The following NXN variants were observed in gnomAD, a reference collection of about 807,000 sequenced individuals.
NXN encodes nucleoredoxin, also known as nucleoredoxin 1.
Under a neutral mutation model 48.6 loss-of-function variants are expected in NXN, and 16 were observed. That is an observed-to-expected ratio of 0.33 (90% confidence interval 0.22 to 0.50). The LOEUF (loss-of-function observed/expected upper bound fraction) is 0.50. Among genes scored for constraint, NXN ranks in the 20% least tolerant of loss-of-function variants. The pLI, the probability that NXN is intolerant of heterozygous loss-of-function variation, is 0.98. For missense variants in NXN, 492 were observed against 605.5 expected, an observed-to-expected ratio of 0.81 and a Z score of 1.97; for synonymous variants, 281 against 269.6, an observed-to-expected ratio of 1.04 and a Z score of -0.41.
chr17:906,784 G>C (rs993839026), intron 1 of NXN, among the ~76,000 whole-genome samples: 2 of 151,568 alleles, frequency 1.3e-5, no homozygotes, highest in African/African-American at 4.9e-5. Flanking sequence ...GGCCAGTCTG[G>C]TCTCGAACTC....
At chr17:959,667 G>A (rs185553280) in intron 1 of NXN, among the ~76,000 whole-genome samples, 9 of 151,856 alleles carry the variant, frequency 5.9e-5, no homozygotes, top group African/African-American at 1.7e-4. Flanking sequence ...GGTGGCAGGC[G>A]CCTGTGATCC....
At chr17:892,593 C>T (rs571279082) in intron 1 of NXN, among the ~76,000 whole-genome samples, 86 of 146,914 alleles carry the variant, frequency 5.9e-4, no homozygotes, top group Middle Eastern at 3.4e-3. Context: ...TAGCAGGTCT[C>T]GCAGTCTCAG....
intron 1 of NXN, among the ~76,000 whole-genome samples, chr17:875,084 C>T (rs1336101843): frequency 5.3e-5 from 8 of 151,168 alleles, no homozygotes; most frequent in East Asian, 3.9e-4. Context: ...CAGGCTGGAG[C>T]GCAGTGGCAC....
chr17:840,183 T>G (rs542079199), intron 1 of NXN, among the ~76,000 whole-genome samples: 1 of 152,240 alleles, frequency 6.6e-6, no homozygotes, highest in Admixed American at 6.5e-5. Context: ...AACCCCCATT[T>G]AGCACCCATG....
intron 5 of NXN, among the ~76,000 whole-genome samples, chr17:816,132 C>A (rs979526159): frequency 6.6e-6 from 1 of 152,166 alleles, no homozygotes; most frequent in Non-Finnish European, 1.5e-5. Context: ...TCACCTGTAG[C>A]CCCTCCAAGG....
At chr17:818,088 A>G (rs1912584458) in intron 5 of NXN, among the ~76,000 whole-genome samples, 2 of 151,762 alleles carry the variant, frequency 1.3e-5, no homozygotes, top group South Asian at 4.2e-4. Flanking sequence ...GCAAAACTTC[A>G]TCTCTACTAA....
At chr17:946,476 C>G (rs1377590853) in intron 1 of NXN, among the ~76,000 whole-genome samples, 2 of 152,206 alleles carry the variant, frequency 1.3e-5, no homozygotes, top group Non-Finnish European at 2.9e-5. Flanking sequence ...CAAAGGCTGT[C>G]TCTTCTAATT....
chr17:890,828 G>T (rs2144866149), intron 1 of NXN, among the ~76,000 whole-genome samples: 1 of 152,178 alleles, frequency 6.6e-6, no homozygotes, highest in Non-Finnish European at 1.5e-5. Flanking sequence ...GAGTGAGTTT[G>T]GCTTTTGGAT....
intron 1 of NXN, among the ~76,000 whole-genome samples, chr17:887,111 C>T (rs1388883475): frequency 6.6e-6 from 1 of 151,538 alleles, no homozygotes; most frequent in Admixed American, 6.6e-5. Context: ...AGATGGGGGT[C>T]TCACCATGTT....
rs760361674 is a variant in NXN, at chr17:849,703, C to T, written c.361-23625G>A. On this transcript the variant is annotated intron_variant, in intron 1 of 7. Coordinates refer to ENST00000336868, the MANE Select transcript of NXN (RefSeq NM_022463.5). This position sits in a 1 kb window ranked among gnomAD's most constrained non-coding sequence, Gnocchi z 4.2. ...AGACAAGCAATCATCATTTCCTAAA[C>T]GTGGCAGGATGCAGAGCAGGTAGAG... Among the ~76,000 whole-genome samples the T allele has an allele frequency of 6.6e-6, 1 of 152,158 alleles. No homozygotes were observed. The highest frequency in any genetic ancestry group is 1.5e-5 in the Non-Finnish European group (1 of 68,036).
In NXN at chr17:974,380, T is replaced by C. The variant is rs142255827; in HGVS notation, c.360+4939A>G. Among the ~76,000 whole-genome samples the C allele has an allele frequency of 3.9e-5, 6 of 151,902 alleles. 1 individual carries two copies. Among genetic ancestry groups the C allele is most frequent in the African/African-American group, 1.5e-4 (6 of 41,320 alleles). On this transcript the variant is annotated intron_variant, in intron 1 of 7. Transcript: ENST00000336868. ...AAGTATATAGATATATATATATAGATATATGGATATACCTCATAACCGTTT... is the reference window on the plus strand; with the variant it reads ...AAGTATATAGATATATATATATAGACATATGGATATACCTCATAACCGTTT...
At position 978,868 on chromosome 17, in the gene NXN, AT is replaced by A. The variant is rs2069495116; in HGVS notation, c.360+450del. Among the ~76,000 whole-genome samples the A allele has an allele frequency of 6.6e-6, 1 of 150,748 alleles. No homozygotes were observed. The highest frequency in any genetic ancestry group is 6.6e-5 in the Admixed American group (1 of 15,208). On this transcript the variant is annotated intron_variant, in intron 1 of 7. Coordinates refer to ENST00000336868, the MANE Select transcript of NXN (RefSeq NM_022463.5). This position sits in a 1 kb window ranked among gnomAD's most constrained non-coding sequence, Gnocchi z 4.1. ...CTCCCCTCCCCTCCCCACTGTGGGA[AT>A]CCGCGGGGGTCGGCGGCGGAGGCAG...
At chr17:850,620 G>A (rs1284027634) in intron 1 of NXN, among the ~76,000 whole-genome samples, 1 of 152,030 alleles carries the variant, frequency 6.6e-6, no homozygotes, top group Non-Finnish European at 1.5e-5. Flanking sequence ...TTGCTCACTC[G>A]CTCTCTCCAG....
chr17:897,635 TC>T (rs2068500493), intron 1 of NXN, among the ~76,000 whole-genome samples: 1 of 152,210 alleles, frequency 6.6e-6, no homozygotes, highest in Admixed American at 6.5e-5. Flanking sequence ...CAGTGTGCTG[TC>T]AACTCTGTGT....
chr17:883,746 G>T (rs114043801), intron 1 of NXN, among the ~76,000 whole-genome samples: 2 of 152,212 alleles, frequency 1.3e-5, no homozygotes, highest in East Asian at 1.9e-4. Flanking sequence ...ATTTTGTACA[G>T]AAGTGGGAGG....
chr17:897,921 T>C (rs926157374), intron 1 of NXN, among the ~76,000 whole-genome samples: 3 of 152,352 alleles, frequency 2.0e-5, no homozygotes, highest in African/African-American at 7.2e-5. Context: ...CCTCAGGTGA[T>C]CCGCCCACCT....
chr17:847,124 T>C (rs151202264), intron 1 of NXN, among the ~76,000 whole-genome samples: 253 of 152,146 alleles, frequency 1.7e-3, no homozygotes, highest in Non-Finnish European at 2.9e-3. Context: ...ACGGAGATGT[T>C]TGTCATCTCG....
intron 1 of NXN, among the ~76,000 whole-genome samples, chr17:928,314 A>ACATC (rs1190445885): frequency 1.3e-5 from 2 of 152,166 alleles, no homozygotes; most frequent in Non-Finnish European, 2.9e-5. Context: ...TCTGCCAAGC[A>ACATC]CATCTGACTT....
chr17:924,401 C>A (rs2068778539), intron 1 of NXN, among the ~76,000 whole-genome samples: 1 of 152,176 alleles, frequency 6.6e-6, no homozygotes, highest in Non-Finnish European at 1.5e-5. Context: ...CTACGTCCGG[C>A]TAATTTTGTA....
Sources: allele counts gnomAD v4.1 joint callset (sites outside exome capture counted in the v4.1 genomes callset), GRCh38; gene constraint gnomAD v4.1.1; non-coding constraint Gnocchi (gnomAD v3.1); transcripts MANE v1.5; gene names NCBI Gene and HGNC (gene_info 2026-07-23, HGNC 2026-07-21).